The following KCNN2 variants were observed in gnomAD, a reference collection of about 807,000 sequenced individuals.
KCNN2 encodes the protein small conductance calcium-activated potassium channel protein 2.
KCNN2 carries 24 observed loss-of-function variants against 55.5 expected under a neutral mutation model. That is an observed-to-expected ratio of 0.43 (90% CI 0.31 to 0.61). KCNN2 has a LOEUF of 0.61. Among genes scored for constraint, KCNN2 ranks in the 20% least tolerant of loss-of-function variants. KCNN2 has a pLI of 0.08. For missense variants in KCNN2, 754 were observed against 853.6 expected, an observed-to-expected ratio of 0.88 and a Z score of 1.45; for synonymous variants, 431 against 336.1, an observed-to-expected ratio of 1.28 and a Z score of -3.09.
At chr5:114,318,632 A>G (rs1237267874) in intron 2 of KCNN2, among the ~76,000 whole-genome samples, 1 of 151,472 alleles carries the variant, frequency 6.6e-6, no homozygotes, top group East Asian at 1.9e-4. Context: ...TATAATTATT[A>G]TGTATAATTT....
rs547482951 is a variant in KCNN2, at chr5:114,487,069, A to G, written c.1910A>G (p.Asn637Ser). 2.7e-5 allele frequency: 43 copies of G among 1,612,914 alleles called. No homozygotes were observed. The highest frequency in any genetic ancestry group is 3.3e-5 in the South Asian group (3 of 91,064). ...LTKRVKNAAA[N>S]VLRETWLIYK... Reference sequence around the variant, plus strand: ...TAACAGGTAAAAAATGCAGCTGCCAATGTACTCAGGGAAACATGGCTAATT... The same window carrying G: ...TAACAGGTAAAAAATGCAGCTGCCAGTGTACTCAGGGAAACATGGCTAATT... The change falls in exon 6 of 8, where the codon AAT becomes AGT. Residue 637 changes from asparagine to serine, a missense_variant. By Grantham distance (46) the Asn-to-Ser change is conservative. Transcript: ENST00000673685.
chr5:114,339,089 T>C (rs1160433176), intron 2 of KCNN2, among the ~76,000 whole-genome samples: 1 of 152,158 alleles, frequency 6.6e-6, no homozygotes, highest in Non-Finnish European at 1.5e-5. Context: ...GACAACTCCT[T>C]TGGTGGTTTT....
At chr5:114,264,381 G>A (rs1755167934) in intron 2 of KCNN2, among the ~76,000 whole-genome samples, 1 of 151,964 alleles carries the variant, frequency 6.6e-6, no homozygotes, top group Admixed American at 6.6e-5. Context: ...GGAAAAATCA[G>A]GTAAATTACA....
In KCNN2 at chr5:114,493,317, T is replaced by A. The variant is rs1747951707; in HGVS notation, c.2019-86T>A. The A allele has an allele frequency of 4.7e-6, 4 of 852,812 alleles. No individual in the cohort carries two copies. In the East Asian group the frequency reaches 9.7e-5, roughly 21 times the overall value. 52.8% of individuals were successfully genotyped at this position (852,812 alleles called of 1,614,324 possible). On this transcript the variant is annotated intron_variant, in intron 6 of 7. Coordinates refer to ENST00000673685, the MANE Select transcript of KCNN2 (RefSeq NM_021614.4). Reference sequence around the variant, plus strand: ...GCATTATCCATGCAGTTATTTGCTCTTGTCAATTTTGTGCATGCTCTTTGG... The same window carrying A: ...GCATTATCCATGCAGTTATTTGCTCATGTCAATTTTGTGCATGCTCTTTGG...
chr5:114,406,826 G>T (rs1188585649), intron 3 of KCNN2, among the ~76,000 whole-genome samples: 1 of 151,952 alleles, frequency 6.6e-6, no homozygotes, highest in Non-Finnish European at 1.5e-5. Context: ...GGTGGAATCT[G>T]TCTTCCAGTA....
Position 114,187,652 on chromosome 5 carries a change from C to G in KCNN2, c.-270-33828C>G, listed in dbSNP as rs1413085290. On this transcript the variant is annotated intron_variant, in intron 1 of 10. Coordinates refer to the KCNN2 transcript ENST00000512097. ...TCCTGAGTAGCTGGGACTACAGGCA[C>G]CCACCACTGCACCCGGCTAATTTTT... Among the ~76,000 whole-genome samples, 4 of 150,356 alleles carry G rather than the reference C, an allele frequency of 2.7e-5. No individual in the cohort carries two copies. In the East Asian group the frequency reaches 7.9e-4, roughly 30 times the overall value.
chr5:114,487,170 A>G lies in KCNN2; in HGVS notation c.2011A>G (p.Ile671Val). 1 of 1,612,652 alleles carries G rather than the reference A, an allele frequency of 6.2e-7. No homozygotes were observed. The highest frequency in any genetic ancestry group is 8.5e-7 in the Non-Finnish European group (1 of 1,179,042). Residue 671 changes from isoleucine (I) to valine (V), a missense_variant, in exon 6 of 8, where the codon ATT (isoleucine) becomes GTT (valine). Physicochemically the swap from Ile to Val is conservative, Grantham distance 29. Coordinates refer to ENST00000673685, the MANE Select transcript of KCNN2 (RefSeq NM_021614.4). ...ACATCAACGAAAATTCCTGCAAGCT[A>G]TTCATCAGTAAGTATCATTTTTCAT... The part of the protein sequence containing the change: ...RKHQRKFLQA[I>V]HQLRSVKMEQ...
At chr5:114,482,029 A>G (rs1019352265) in intron 5 of KCNN2, among the ~76,000 whole-genome samples, 2 of 152,194 alleles carry the variant, frequency 1.3e-5, no homozygotes, top group Non-Finnish European at 2.9e-5. Flanking sequence ...AAATTGACAA[A>G]TGGGATCTAA....
At chr5:114,338,876 C>T (rs184266541) in intron 2 of KCNN2, among the ~76,000 whole-genome samples, 85 of 152,292 alleles carry the variant, frequency 5.6e-4, no homozygotes, top group Middle Eastern at 3.4e-3. Flanking sequence ...ATTTTCAGTG[C>T]ACCCTGTCTT....
intron 2 of KCNN2, among the ~76,000 whole-genome samples, chr5:114,321,242 G>T (rs1756608418): frequency 6.6e-6 from 1 of 152,068 alleles, no homozygotes; most frequent in Non-Finnish European, 1.5e-5. Context: ...TATATTGAGG[G>T]TTTGTTCTAC....
intron 1 of KCNN2, among the ~76,000 whole-genome samples, chr5:114,152,036 A>G (rs1051110902): frequency 6.6e-6 from 1 of 152,150 alleles, no homozygotes; most frequent in Non-Finnish European, 1.5e-5. Flanking sequence ...TTCAGTTTAT[A>G]TATTTCTTCT....
At chr5:114,410,859 G>A (rs1326903855) in intron 3 of KCNN2, among the ~76,000 whole-genome samples, 7 of 152,084 alleles carry the variant, frequency 4.6e-5, no homozygotes, top group Non-Finnish European at 1.5e-5. Context: ...ATCTCTCAGG[G>A]CACTTAAATA....
At chr5:114,105,592 A>T (rs1374322570) in intron 1 of KCNN2, among the ~76,000 whole-genome samples, 2 of 152,128 alleles carry the variant, frequency 1.3e-5, no homozygotes, top group Non-Finnish European at 2.9e-5. Flanking sequence ...GCATTCATGT[A>T]ATCAAATTAT....
intron 1 of KCNN2, among the ~76,000 whole-genome samples, chr5:114,122,509 G>A (rs910393125): frequency 6.6e-6 from 1 of 152,010 alleles, no homozygotes. Context: ...TTCCTATTAC[G>A]TTTTAAAGAT....
intron 2 of KCNN2, among the ~76,000 whole-genome samples, chr5:114,395,237 T>C (rs1758580193): frequency 6.6e-6 from 1 of 152,184 alleles, no homozygotes; most frequent in Non-Finnish European, 1.5e-5. Context: ...TCTTCACTGA[T>C]GGCTGGTCAG....
intron 1 of KCNN2, among the ~76,000 whole-genome samples, chr5:114,139,209 T>C (rs973224844): frequency 2.0e-5 from 3 of 152,164 alleles, no homozygotes; most frequent in Admixed American, 1.3e-4. Flanking sequence ...CATCTAAAAG[T>C]ATTTTTGAAG....
intron 1 of KCNN2, among the ~76,000 whole-genome samples, chr5:114,209,967 A>G (rs560428136): frequency 1.1e-4 from 16 of 152,222 alleles, no homozygotes; most frequent in African/African-American, 3.4e-4. Flanking sequence ...TTGTTCATAG[A>G]CAGGTGGAGA....
chr5:114,466,894 A>T (rs142979486), intron 4 of KCNN2, among the ~76,000 whole-genome samples: 1 of 152,150 alleles, frequency 6.6e-6, no homozygotes, highest in Non-Finnish European at 1.5e-5. Flanking sequence ...TAGTAGTTCT[A>T]TGTAAACAAA....
At chr5:114,248,382 A>G (rs924687357) in intron 2 of KCNN2, among the ~76,000 whole-genome samples, 6 of 152,208 alleles carry the variant, frequency 3.9e-5, no homozygotes, top group African/African-American at 1.4e-4. Flanking sequence ...AAGTTACACA[A>G]TGTAAAATGT....
Sources: allele counts gnomAD v4.1 joint callset (sites outside exome capture counted in the v4.1 genomes callset), GRCh38; gene constraint gnomAD v4.1.1; transcripts MANE v1.5; gene names NCBI Gene and HGNC (gene_info 2026-07-23, HGNC 2026-07-21).